Variants in METAP1 observed in about 807,000 individuals in gnomAD.
The protein encoded by METAP1 is methionine aminopeptidase 1.
Under a neutral mutation model 53.8 loss-of-function variants are expected in METAP1, and 28 were observed. That is an observed-to-expected ratio of 0.52 (90% confidence interval 0.39 to 0.71). The LOEUF is 0.71. METAP1 is among the 30% of genes least tolerant of loss of function. The pLI is 0.00. For missense variants in METAP1, 389 were observed against 479.8 expected, an observed-to-expected ratio of 0.81 and a Z score of 1.77; for synonymous variants, 181 against 165.7, an observed-to-expected ratio of 1.09 and a Z score of -0.71.
At chr4:99,010,182 G>C (rs1723398993) in intron 1 of METAP1, among the ~76,000 whole-genome samples, 1 of 152,162 alleles carries the variant, frequency 6.6e-6, no homozygotes, top group Admixed American at 6.5e-5. Context: ...GGCCAGGTGT[G>C]GTGCCTCACA....
intron 9 of METAP1, among the ~76,000 whole-genome samples, chr4:99,057,159 G>A (rs567831196): frequency 3.1e-4 from 47 of 152,272 alleles, no homozygotes; most frequent in African/African-American, 9.6e-4. Flanking sequence ...ATGAGCCACC[G>A]CACCCAGCTT....
In METAP1 at chr4:99,061,515, C is replaced by T. The variant is rs909585475; in HGVS notation, c.*198C>T. 2 of 443,302 alleles carry T rather than the reference C, an allele frequency of 4.5e-6. No individual in the cohort carries two copies. Among genetic ancestry groups the T allele is most frequent in the Non-Finnish European group, 7.8e-6 (2 of 257,486 alleles). 27.5% of individuals were successfully genotyped at this position (443,302 alleles called of 1,614,324 possible). A position where few individuals can be genotyped will look rare whatever the true frequency, so the allele number is the denominator to read the frequency against. On this transcript the variant is annotated 3_prime_UTR_variant, in exon 11 of 11. Transcript: ENST00000296411. ...GCTGAGAAGAATAAAGGAAACATTGCTCAACTCTTCAGCCCCCTCCCCCTG... is the reference window on the plus strand; with the variant it reads ...GCTGAGAAGAATAAAGGAAACATTGTTCAACTCTTCAGCCCCCTCCCCCTG...
At chr4:99,005,745 A>T in intron 1 of METAP1, 1 of 422,304 alleles carries the variant, frequency 2.4e-6, no homozygotes, top group Non-Finnish European at 4.7e-6. Context: ...CATTAAAAAA[A>T]GAATGAAATA....
Position 99,041,120 on chromosome 4 carries a change from A to T in METAP1, c.510A>T (p.Val170=). ...CTACTGAAGAAATAGATCACGCTGT[A>T]CACTTAGTAAGAACTTCACTTTTTT... is the stretch of plus-strand genomic sequence containing the variant. ...GVTTEEIDHA[V]HLACIARNCY... The change falls in exon 6 of 11, where the codon GTA becomes GTT. Residue 170 remains valine, a synonymous_variant. Transcript: ENST00000296411. 6.3e-7 allele frequency: 1 copy of T among 1,591,944 alleles called. No individual in the cohort carries two copies. The highest frequency in any genetic ancestry group is 8.6e-7 in the Non-Finnish European group (1 of 1,165,366).
At chr4:99,004,720 T>TA (rs1288211239) in intron 1 of METAP1, among the ~76,000 whole-genome samples, 1 of 152,186 alleles carries the variant, frequency 6.6e-6, no homozygotes, top group Non-Finnish European at 1.5e-5. Context: ...TTTGATTTCT[T>TA]AAAAAATGTA....
chr4:98,995,877 C>G lies in METAP1; in HGVS notation c.114+10C>G, dbSNP rs1560685412. The G allele has an allele frequency of 5.2e-6, 8 of 1,532,176 alleles. No homozygotes were observed. The highest frequency in any genetic ancestry group is 3.7e-4 in the Middle Eastern group (2 of 5,476). The allele number at this position is 1,532,176 out of a possible 1,614,324, so 94.9% of individuals were successfully genotyped here. ...GTACTTCTGCTCGCAGGTAGGCGCCCGCTGCCCCGCGGATATGCCGCCGCT... is the reference window on the plus strand; with the variant it reads ...GTACTTCTGCTCGCAGGTAGGCGCCGGCTGCCCCGCGGATATGCCGCCGCT... On this transcript the variant is annotated intron_variant, in intron 1 of 10. Coordinates refer to ENST00000296411, the MANE Select transcript of METAP1 (RefSeq NM_015143.3).
At chr4:99,034,400 CT>C in intron 3 of METAP1, 58 bp downstream of exon 3, 7 of 1,010,078 alleles carry the variant, frequency 6.9e-6, no homozygotes, top group Non-Finnish European at 1.1e-5. Context: ...AAAAATGATA[CT>C]CGTAATTTGT....
intron 9 of METAP1, among the ~76,000 whole-genome samples, chr4:99,057,097 T>TGCC (rs1188010589): frequency 6.6e-6 from 1 of 152,154 alleles, no homozygotes; most frequent in Admixed American, 6.5e-5. Context: ...ACTCCTGACC[T>TGCC]GCCTCAGGTG....
intron 9 of METAP1, among the ~76,000 whole-genome samples, chr4:99,051,873 AATT>A (rs1407701999): frequency 6.6e-6 from 1 of 152,160 alleles, no homozygotes; most frequent in Non-Finnish European, 1.5e-5. Flanking sequence ...AGAACCAGGA[AATT>A]GTTGTATAAC....
chr4:99,041,982 G>A (rs1725907400), intron 6 of METAP1, among the ~76,000 whole-genome samples: 2 of 151,674 alleles, frequency 1.3e-5, no homozygotes, highest in South Asian at 4.2e-4. Flanking sequence ...ATGCTCTGTG[G>A]GCCAGGTACT....
chr4:99,006,613 T>G (rs920145252), intron 1 of METAP1, among the ~76,000 whole-genome samples: 1 of 152,184 alleles, frequency 6.6e-6, no homozygotes. Context: ...CTAAGAAGAT[T>G]AACAAGAATT....
chr4:98,998,247 G>T (rs1560687433), intron 1 of METAP1, among the ~76,000 whole-genome samples: 2 of 152,238 alleles, frequency 1.3e-5, no homozygotes, highest in Admixed American at 6.5e-5. Context: ...GCTTGGCTGG[G>T]CATGGTGGCT....
At chr4:99,000,655 C>CTTTTT (rs781035164) in intron 1 of METAP1, among the ~76,000 whole-genome samples, 1 of 112,684 alleles carries the variant, frequency 8.9e-6, no homozygotes, top group Admixed American at 9.2e-5. Context: ...GGAAGAAAGT[C>CTTTTT]TTTTTTTTTT....
chr4:99,031,744 TAGAC>T, intron 2 of METAP1: 2 of 517,626 alleles, frequency 3.9e-6, no homozygotes, highest in Admixed American at 5.3e-5. Context: ...ATGCAAAGCT[TAGAC>T]ATCTGTAGTT....
At chr4:99,015,447 A>G (rs377007770) in intron 1 of METAP1, among the ~76,000 whole-genome samples, 25 of 152,264 alleles carry the variant, frequency 1.6e-4, no homozygotes, top group African/African-American at 5.5e-4. Flanking sequence ...CTGATTATCT[A>G]TATTAGAATT....
At chr4:99,023,002 A>T in intron 1 of METAP1, 1 of 1,464,354 alleles carries the variant, frequency 6.8e-7, no homozygotes, top group Non-Finnish European at 9.2e-7. Flanking sequence ...AATACCTGGC[A>T]CTACCCGCTT....
intron 1 of METAP1, chr4:99,023,134 T>TCAACACG: frequency 2.3e-6 from 2 of 853,110 alleles, no homozygotes; most frequent in Non-Finnish European, 3.5e-6. Context: ...GCCTCCGTGT[T>TCAACACG]GACTGACACG....
intron 10 of METAP1, among the ~76,000 whole-genome samples, chr4:99,059,517 C>G (rs577154143): frequency 6.6e-6 from 1 of 152,232 alleles, no homozygotes; most frequent in South Asian, 2.1e-4. Context: ...TGGGATTTGT[C>G]TGTCTGAGGC....
chr4:99,022,573 A>G, intron 1 of METAP1: 1 of 648,558 alleles, frequency 1.5e-6, no homozygotes, highest in Non-Finnish European at 2.8e-6. Context: ...CACACTTTGA[A>G]GATAGAAGAT....
Sources: allele counts gnomAD v4.1 joint callset (sites outside exome capture counted in the v4.1 genomes callset), GRCh38; gene constraint gnomAD v4.1.1; transcripts MANE v1.5; gene names NCBI Gene and HGNC (gene_info 2026-07-23, HGNC 2026-07-21).